KLC1: variants seen among roughly 807,000 people sequenced by gnomAD.
The protein encoded by KLC1 is kinesin 2 60/70kDa.
In KLC1, 30 loss-of-function variants were observed where a neutral mutation model predicts 84.2. The observed-to-expected ratio is 0.36, with a 90% CI of 0.27 to 0.48. KLC1 has a LOEUF of 0.48. KLC1 is among the 20% of genes least tolerant of loss of function. The pLI is 0.99. For synonymous variants in KLC1, 289 were observed against 293.3 expected, an observed-to-expected ratio of 0.99 and a Z score of 0.15; for missense variants, 499 against 805.4, an observed-to-expected ratio of 0.62 and a Z score of 4.60.
chr14:103,653,622 T>G (rs985964303), intron 1 of KLC1, among the ~76,000 whole-genome samples: 1 of 152,216 alleles, frequency 6.6e-6, no homozygotes, highest in Non-Finnish European at 1.5e-5. Context: ...TGCCTGGCTG[T>G]CCTGCCTTTT....
chr14:103,691,744 G>A (rs2082132123), intron 14 of KLC1, among the ~76,000 whole-genome samples: 1 of 151,880 alleles, frequency 6.6e-6, no homozygotes, highest in Non-Finnish European at 1.5e-5. Flanking sequence ...TTACAGGTGT[G>A]AGCCACTGCA....
rs191530573 is a variant in KLC1 at position 103,648,902 on chromosome 14, C to T, written c.-1-5662C>T. Among the ~76,000 whole-genome samples, 166 of 152,140 alleles carry T rather than the reference C, an allele frequency of 1.1e-3. 3 individuals carry two copies. In the East Asian group the frequency reaches 0.027, roughly 24 times the overall value. On this transcript the variant is annotated intron_variant, in intron 1 of 16. Coordinates refer to ENST00000334553, the MANE Select transcript of KLC1 (RefSeq NM_001394837.1). ...CTGTAATCCCAGTTCTTTGGGAGGCCGAGGCGGGCAGATCACCTGAGCTCA... is the reference window on the plus strand; with the variant it reads ...CTGTAATCCCAGTTCTTTGGGAGGCTGAGGCGGGCAGATCACCTGAGCTCA...
At chr14:103,700,530 G>A in intron 15 of KLC1, 125 bp from the exon 16 acceptor site, 1 of 708,568 alleles carries the variant, frequency 1.4e-6, no homozygotes, top group Non-Finnish European at 2.3e-6. Context: ...GCTGCTAAGG[G>A]GCCCCTAGGC....
At chr14:103,633,425 G>C (rs1452799751) in intron 1 of KLC1, among the ~76,000 whole-genome samples, 1 of 152,178 alleles carries the variant, frequency 6.6e-6, no homozygotes, top group Non-Finnish European at 1.5e-5. Context: ...TGGGGCAGGT[G>C]CTGTGAACTG....
intron 2 of KLC1, among the ~76,000 whole-genome samples, chr14:103,656,131 G>A (rs927602825): frequency 2.6e-5 from 4 of 152,156 alleles, no homozygotes; most frequent in Non-Finnish European, 5.9e-5. Context: ...AAGGAAGGAC[G>A]TGCCTCCTTC....
intron 2 of KLC1, among the ~76,000 whole-genome samples, chr14:103,655,833 C>A (rs770846938): frequency 1.3e-5 from 2 of 152,174 alleles, no homozygotes; most frequent in African/African-American, 4.8e-5. Flanking sequence ...GAACTCCTGA[C>A]CTCAGGGCCT....
chr14:103,641,580 C>CT (rs921710553), intron 1 of KLC1, among the ~76,000 whole-genome samples: 3 of 151,918 alleles, frequency 2.0e-5, no homozygotes, highest in African/African-American at 7.3e-5. Flanking sequence ...AGAGAGTTCC[C>CT]TTTTTAAAAA....
Position 103,696,107 on chromosome 14 carries a change from C to G in KLC1, c.1848+3682C>G, listed in dbSNP as rs1005630155. The stretch of plus-strand genomic sequence containing the variant: ...TAATCACTGCGCCCCCGCCCCCCGC[C>G]CCCCCCCACAGCAGCCGTGTGTGCA... On this transcript the variant is annotated intron_variant, in intron 15 of 16. Transcript: ENST00000334553. 3.0e-5 allele frequency: 23 copies of G among 765,302 alleles called. No individual in the cohort carries two copies. In the Admixed American group the frequency reaches 8.7e-4, roughly 29 times the overall value. 47.4% of individuals were successfully genotyped at this position (765,302 alleles called of 1,614,324 possible).
At chr14:103,643,841 T>A (rs773589367) in intron 1 of KLC1, among the ~76,000 whole-genome samples, 1 of 152,016 alleles carries the variant, frequency 6.6e-6, no homozygotes, top group Non-Finnish European at 1.5e-5. Flanking sequence ...GTCAGGAGAA[T>A]CACTTGAGCG....
At chr14:103,642,153 C>G (rs1402772144) in intron 1 of KLC1, among the ~76,000 whole-genome samples, 1 of 152,184 alleles carries the variant, frequency 6.6e-6, no homozygotes, top group African/African-American at 2.4e-5. Flanking sequence ...TGGTCTCGAA[C>G]TCCTGATTTC....
chr14:103,629,850 C>G (rs1467164630), intron 1 of KLC1, among the ~76,000 whole-genome samples: 1 of 152,118 alleles, frequency 6.6e-6, no homozygotes, highest in East Asian at 1.9e-4. Context: ...CTGCTGCGGG[C>G]GGCGGCGGCC....
intron 6 of KLC1, 49 bp from the exon 7 acceptor site, chr14:103,670,132 CT>C (rs11333716): frequency 0.97 from 1,273,393 of 1,318,118 alleles, 615,822 homozygotes; most frequent in East Asian, 0.98. Context: ...TAAATGTACT[CT>C]TATTTGGTTA....
At chr14:103,644,918 C>G (rs1251152887) in intron 1 of KLC1, among the ~76,000 whole-genome samples, 1 of 150,328 alleles carries the variant, frequency 6.7e-6, no homozygotes, top group Non-Finnish European at 1.5e-5. Flanking sequence ...AGATTTCTTT[C>G]TTTAGTTCTG....
chr14:103,640,080 A>T (rs192070086), intron 1 of KLC1, among the ~76,000 whole-genome samples: 1 of 151,374 alleles, frequency 6.6e-6, no homozygotes, highest in Admixed American at 6.6e-5. Context: ...TATTTTCTTT[A>T]TTTTTGAGAC....
chr14:103,657,754 A>G lies in KLC1; in HGVS notation c.470A>G (p.Tyr157Cys). The stretch of plus-strand genomic sequence containing the variant: ...GAGTTTATGAATCAGCTAAAAAAAT[A>G]TGATGACGACATTTCCCCATCCGTG... ...HLEFMNQLKK[Y>C]DDDISPSEDK... The change falls in exon 3 of 17, where the codon TAT becomes TGT. Residue 157 changes from tyrosine to cysteine, a missense_variant. Coordinates refer to ENST00000334553, the MANE Select transcript of KLC1 (RefSeq NM_001394837.1). 1.9e-6 allele frequency: 3 copies of G among 1,613,984 alleles called. No homozygotes were observed. The highest frequency in any genetic ancestry group is 2.5e-6 in the Non-Finnish European group (3 of 1,179,818).
intron 1 of KLC1, among the ~76,000 whole-genome samples, chr14:103,633,323 C>G (rs1225978482): frequency 1.3e-5 from 2 of 152,156 alleles, no homozygotes; most frequent in Non-Finnish European, 2.9e-5. Flanking sequence ...TCTCAAAGTG[C>G]TGGGATTACA....
At chr14:103,644,452 G>C (rs2077744439) in intron 1 of KLC1, among the ~76,000 whole-genome samples, 1 of 151,920 alleles carries the variant, frequency 6.6e-6, no homozygotes, top group Non-Finnish European at 1.5e-5. Flanking sequence ...GTAGAGATGG[G>C]CTTTCATCAT....
intron 13 of KLC1, chr14:103,685,083 G>A: frequency 6.5e-7 from 1 of 1,537,500 alleles, no homozygotes; most frequent in Non-Finnish European, 8.8e-7. Context: ...TGGCGCTTCT[G>A]TCGAGACGTC....
At chr14:103,645,625 T>G (rs2077858534) in intron 1 of KLC1, among the ~76,000 whole-genome samples, 1 of 152,184 alleles carries the variant, frequency 6.6e-6, no homozygotes, top group African/African-American at 2.4e-5. Context: ...CTAGGCTGTA[T>G]GGTGTAGCCC....
Sources: allele counts gnomAD v4.1 joint callset (sites outside exome capture counted in the v4.1 genomes callset), GRCh38; gene constraint gnomAD v4.1.1; transcripts MANE v1.5; gene names NCBI Gene and HGNC (gene_info 2026-07-23, HGNC 2026-07-21).